Variants in DMD observed in about 807,000 individuals in gnomAD.
The protein encoded by DMD is mutant dystrophin.
A neutral mutation model predicts 330.1 loss-of-function variants in DMD; 63 were observed. The ratio of observed to expected loss-of-function variants is 0.19; its 90% CI spans 0.16 to 0.24. DMD has a LOEUF of 0.24. Ranked by LOEUF, DMD falls within the 10% of genes least tolerant of loss-of-function variation. DMD has a pLI of 1.00. For missense variants in DMD, 3,344 were observed against 2,684.1 expected, an observed-to-expected ratio of 1.25 and a Z score of -5.43; for synonymous variants, 1,223 against 959.8, an observed-to-expected ratio of 1.27 and a Z score of -5.07.
At chrX:31,865,476 A>G (rs2093782316) in intron 48 of DMD, among the ~76,000 whole-genome samples, 1 of 112,296 alleles carries the variant, frequency 8.9e-6, no homozygotes, top group East Asian at 2.8e-4. Flanking sequence ...TTTAAAAATG[A>G]AATCAGATAA....
In DMD at chrX:31,831,766, TTTTG is replaced by T. The variant is rs1160452115; in HGVS notation, c.7200+4948_7200+4951del. On this transcript the variant is annotated intron_variant, in intron 49 of 78. Transcript: ENST00000357033. ...GATGCCTGCCACCAAGCCCGGCTAA[TTTTG>T]TTTTTGTATTTTTAGTAGAGATGGG... 2.3e-4 allele frequency among the ~76,000 whole-genome samples: 26 copies of T among 110,764 alleles called. 1 individual carries two copies. The highest frequency in any genetic ancestry group is 5.3e-4 in the African/African-American group (16 of 30,257).
At chrX:33,279,460 T>C (rs2053289808) in intron 1 of DMD, among the ~76,000 whole-genome samples, 2 of 111,005 alleles carry the variant, frequency 1.8e-5, no homozygotes, top group Non-Finnish European at 3.8e-5. Flanking sequence ...TTTTTTTTTT[T>C]TTAAGCAATT....
chrX:31,370,414 T>C (rs760449385), intron 60 of DMD, among the ~76,000 whole-genome samples: 2 of 111,991 alleles, frequency 1.8e-5, no homozygotes, highest in East Asian at 2.8e-4. Context: ...GATATACATA[T>C]GGCAAACAAG....
chrX:31,768,869 A>G (rs2090165277), intron 51 of DMD, among the ~76,000 whole-genome samples: 2 of 112,077 alleles, frequency 1.8e-5, no homozygotes, highest in South Asian at 7.4e-4. Flanking sequence ...AGATAATGGT[A>G]TATTTTCTAC....
chrX:32,054,152 C>A (rs1181975343), intron 44 of DMD, among the ~76,000 whole-genome samples: 3 of 87,214 alleles, frequency 3.4e-5, no homozygotes, highest in Admixed American at 1.3e-4. Context: ...ACTGAGGAAC[C>A]AAAAAGAAAA....
intron 30 of DMD, among the ~76,000 whole-genome samples, chrX:32,406,566 C>T (rs1415810521): frequency 2.7e-5 from 3 of 110,949 alleles, no homozygotes; most frequent in Non-Finnish European, 5.7e-5. Context: ...TATTGATTTG[C>T]ATATATTGAA....
intron 7 of DMD, among the ~76,000 whole-genome samples, chrX:32,760,085 CTT>C (rs2072071680): frequency 1.0e-5 from 1 of 95,447 alleles, no homozygotes; most frequent in South Asian, 5.5e-4. Context: ...ACTTTTGACT[CTT>C]GTAATTATTC....
At chrX:32,432,970 T>C (rs928077709) in intron 29 of DMD, among the ~76,000 whole-genome samples, 2 of 112,117 alleles carry the variant, frequency 1.8e-5, no homozygotes, top group Non-Finnish European at 3.8e-5. Context: ...TGCTATTTCA[T>C]GTCAGGCATA....
intron 7 of DMD, among the ~76,000 whole-genome samples, chrX:32,784,014 G>A (rs2075135358): frequency 9.7e-6 from 1 of 103,330 alleles, no homozygotes; most frequent in Non-Finnish European, 2.0e-5. Flanking sequence ...GGTGGGGGGG[G>A]GAAATACACA....
intron 6 of DMD, among the ~76,000 whole-genome samples, chrX:32,809,936 AAAAAAAAAAAGAAAGAAAG>A (rs1442885651): frequency 1.0e-5 from 1 of 95,919 alleles, no homozygotes; most frequent in Non-Finnish European, 2.1e-5. Context: ...AAAAAAAAAA[AAAAAAAAAAAGAAAGAAAG>A]AAAGAAAGAA....
intron 7 of DMD, among the ~76,000 whole-genome samples, chrX:32,721,206 T>A (rs1428908176): frequency 9.0e-6 from 1 of 111,073 alleles, no homozygotes; most frequent in Non-Finnish European, 1.9e-5. Flanking sequence ...TTTCATTTTC[T>A]GTGGGTCTAT....
chrX:31,895,116 T>G (rs1056531425), intron 47 of DMD, among the ~76,000 whole-genome samples: 1 of 111,613 alleles, frequency 9.0e-6, no homozygotes, highest in African/African-American at 3.3e-5. Flanking sequence ...TGATGAATAC[T>G]CTAATAAAGA....
chrX:32,862,328 G>A (rs928375834), intron 2 of DMD, among the ~76,000 whole-genome samples: 4 of 111,938 alleles, frequency 3.6e-5, no homozygotes, highest in African/African-American at 1.3e-4. Context: ...AAGTACACTA[G>A]AAATGATTCA....
At chrX:31,225,202 G>C (rs2046460340) in intron 63 of DMD, among the ~76,000 whole-genome samples, 1 of 112,353 alleles carries the variant, frequency 8.9e-6, no homozygotes, top group African/African-American at 3.2e-5. Context: ...ATGTATGTGT[G>C]TGTTAGCTTA....
At chrX:32,095,003 G>A (rs2096496402) in intron 44 of DMD, among the ~76,000 whole-genome samples, 1 of 111,529 alleles carries the variant, frequency 9.0e-6, no homozygotes, top group Non-Finnish European at 1.9e-5. Context: ...TGGCGAACAG[G>A]AGAGCATGGG....
At chrX:31,935,921 AT>A (rs958642316) in intron 45 of DMD, among the ~76,000 whole-genome samples, 7 of 110,981 alleles carry the variant, frequency 6.3e-5, no homozygotes, top group African/African-American at 1.6e-4. Flanking sequence ...TTACTAGCAT[AT>A]TTTTTTCTAT....
intron 1 of DMD, among the ~76,000 whole-genome samples, chrX:33,273,777 A>G (rs1188326563): frequency 8.9e-6 from 1 of 112,548 alleles, no homozygotes; most frequent in Non-Finnish European, 1.9e-5. Flanking sequence ...CATAATGTGA[A>G]GTAATATGCA....
At chrX:32,735,805 T>A (rs1452380187) in intron 7 of DMD, among the ~76,000 whole-genome samples, 1 of 111,591 alleles carries the variant, frequency 9.0e-6, no homozygotes, top group Non-Finnish European at 1.9e-5. Context: ...CCTAAAACCA[T>A]AAAAACCCTG....
chrX:32,668,757 AT>A (rs11360330), intron 9 of DMD, among the ~76,000 whole-genome samples: 7,674 of 104,750 alleles, frequency 0.073, 298 homozygotes, highest in African/African-American at 0.15. Context: ...AACTTGAAAG[AT>A]TTTTTTTTTT....
Sources: allele counts gnomAD v4.1 joint callset (sites outside exome capture counted in the v4.1 genomes callset), GRCh38; gene constraint gnomAD v4.1.1; transcripts MANE v1.5; gene names NCBI Gene and HGNC (gene_info 2026-07-23, HGNC 2026-07-21).